MALRD1: variants seen among roughly 807,000 people sequenced by gnomAD.
MALRD1 encodes MAM and LDL receptor class A domain containing 1, also known as MAM and LDL-receptor class A domain-containing protein 1.
A neutral mutation model predicts 242.1 loss-of-function variants in MALRD1; 247 were observed. The observed-to-expected ratio is 1.02, with a 90% CI of 0.92 to 1.13. The LOEUF (loss-of-function observed/expected upper bound fraction) is 1.13, where lower values mean the gene tolerates loss of function less well. Among genes scored for constraint, MALRD1 ranks in the 50% most tolerant of loss-of-function variants. The probability of loss-of-function intolerance (pLI) is 0.00; values close to 1 mark genes in which losing one functional copy is unlikely to be tolerated. For synonymous variants in MALRD1, 995 were observed against 866.6 expected (o/e 1.15, Z -2.60); for missense variants, 2,989 against 2,533.1 (o/e 1.18, Z -3.86).
At chr10:19,336,916 G>A (rs1176201741) in intron 24 of MALRD1, among the ~76,000 whole-genome samples, 1 of 151,890 alleles carries the variant, frequency 6.6e-6, no homozygotes, top group Non-Finnish European at 1.5e-5. Flanking sequence ...TATATTTATT[G>A]GGCAGTTGTT....
chr10:19,727,431 A>T (rs1352974399), intron 38 of MALRD1, among the ~76,000 whole-genome samples: 1 of 152,208 alleles, frequency 6.6e-6, no homozygotes. Flanking sequence ...TAAAATTGGA[A>T]ACTGCCATCA....
chr10:19,529,566 G>C (rs1038240527), intron 31 of MALRD1, among the ~76,000 whole-genome samples: 1 of 149,334 alleles, frequency 6.7e-6, no homozygotes, highest in African/African-American at 2.5e-5. Flanking sequence ...AGAAAACAAA[G>C]ATTAAGGATA....
intron 34 of MALRD1, among the ~76,000 whole-genome samples, chr10:19,606,762 G>A (rs1327009331): frequency 6.6e-6 from 1 of 152,032 alleles, no homozygotes; most frequent in Non-Finnish European, 1.5e-5. Flanking sequence ...TGGCTTCCAG[G>A]TCCTGAAGCA....
chr10:19,687,908 TTAATGTTATGTTATGTTATG>T (rs1254267453), intron 36 of MALRD1, among the ~76,000 whole-genome samples: 160 of 145,654 alleles, frequency 1.1e-3, no homozygotes, highest in African/African-American at 3.9e-3. Flanking sequence ...ATTTATTTTT[TTAATGTTATGTTATGTTATG>T]TTATGTTATG....
chr10:19,457,874 T>A (rs971742380), intron 29 of MALRD1, among the ~76,000 whole-genome samples: 2 of 151,928 alleles, frequency 1.3e-5, no homozygotes, highest in Non-Finnish European at 2.9e-5. Context: ...GTTTTAAAAT[T>A]TTTTAATATT....
chr10:19,253,093 G>A (rs1285253109), intron 18 of MALRD1, among the ~76,000 whole-genome samples: 1 of 151,936 alleles, frequency 6.6e-6, no homozygotes, highest in African/African-American at 2.4e-5. Flanking sequence ...CTAAAAGAGA[G>A]CTTCATGTAA....
chr10:19,144,221 A>T (rs72790769), intron 10 of MALRD1, among the ~76,000 whole-genome samples: 2,329 of 152,316 alleles, frequency 0.015, 23 homozygotes, highest in Admixed American at 0.024. Context: ...AAATCTATGG[A>T]TGCTCAAGTC....
At chr10:19,301,452 T>G (rs4448593) in intron 21 of MALRD1, among the ~76,000 whole-genome samples, 19,821 of 151,790 alleles carry the variant, frequency 0.13, 1,322 homozygotes, top group South Asian at 0.15. Flanking sequence ...AACAAAGACA[T>G]GGAATCAACC....
chr10:19,379,525 G>A (rs1244215969), intron 26 of MALRD1, among the ~76,000 whole-genome samples: 2 of 152,064 alleles, frequency 1.3e-5, no homozygotes, highest in Non-Finnish European at 2.9e-5. Flanking sequence ...AACTACTGTT[G>A]TTATTTCTTC....
At chr10:19,225,771 CTT>C (rs1202386618) in intron 18 of MALRD1, among the ~76,000 whole-genome samples, 1 of 152,160 alleles carries the variant, frequency 6.6e-6, no homozygotes, top group Non-Finnish European at 1.5e-5. Flanking sequence ...TAGGAAAAGA[CTT>C]TACTTTTTAT....
intron 27 of MALRD1, 23 bp from the exon 28 acceptor site, chr10:19,389,429 C>G (rs961571871): frequency 7.8e-6 from 12 of 1,547,796 alleles, no homozygotes; most frequent in Admixed American, 2.0e-5. Flanking sequence ...TCGTTCTTCT[C>G]TGAATTCTGT....
intron 28 of MALRD1, among the ~76,000 whole-genome samples, chr10:19,392,116 C>T (rs1012381144): frequency 7.9e-5 from 12 of 152,122 alleles, no homozygotes; most frequent in Admixed American, 2.6e-4. Flanking sequence ...GATTATAGAT[C>T]GCTACAACAA....
intron 18 of MALRD1, among the ~76,000 whole-genome samples, chr10:19,240,688 T>A (rs867101420): frequency 6.6e-6 from 1 of 152,094 alleles, no homozygotes; most frequent in Non-Finnish European, 1.5e-5. Flanking sequence ...ATAAATAAGA[T>A]GTTAGCTGTG....
At chr10:19,276,307 TA>T (rs1840525357) in intron 19 of MALRD1, among the ~76,000 whole-genome samples, 4 of 152,130 alleles carry the variant, frequency 2.6e-5, no homozygotes, top group Middle Eastern at 3.4e-3. Flanking sequence ...TATATATATA[TA>T]TATTTTCAGT....
intron 26 of MALRD1, among the ~76,000 whole-genome samples, chr10:19,362,160 A>G (rs1203330537): frequency 2.0e-5 from 3 of 152,066 alleles, no homozygotes; most frequent in African/African-American, 4.8e-5. Context: ...TTTAAGAGCC[A>G]ATTATTTCTT....
chr10:19,081,386 C>T (rs10763859), intron 2 of MALRD1, among the ~76,000 whole-genome samples: 40,143 of 151,902 alleles, frequency 0.26, 5,719 homozygotes, highest in Admixed American at 0.37. Context: ...AATGATAGAC[C>T]GGATAAAGCA....
chr10:19,164,701 A>G (rs1834594098), intron 12 of MALRD1, among the ~76,000 whole-genome samples: 1 of 152,202 alleles, frequency 6.6e-6, no homozygotes, highest in African/African-American at 2.4e-5. Flanking sequence ...CCAGGTACTT[A>G]GAAAGTGCTC....
chr10:19,521,253 T>C (rs1204663310), intron 31 of MALRD1, among the ~76,000 whole-genome samples: 1 of 152,120 alleles, frequency 6.6e-6, no homozygotes, highest in African/African-American at 2.4e-5. Context: ...CCTGGTAAAA[T>C]AATGAACTAC....
intron 4 of MALRD1, among the ~76,000 whole-genome samples, chr10:19,094,968 A>G (rs1383419863): frequency 2.6e-5 from 4 of 152,210 alleles, no homozygotes; most frequent in African/African-American, 9.6e-5. Context: ...CCTGTTAAAC[A>G]TGAGATTTTA....
Sources: allele counts gnomAD v4.1 joint callset (sites outside exome capture counted in the v4.1 genomes callset), GRCh38; gene constraint gnomAD v4.1.1; transcripts MANE v1.5; gene names NCBI Gene and HGNC (gene_info 2026-07-23, HGNC 2026-07-21).